The following OXR1 variants were observed in gnomAD, a reference collection of about 807,000 sequenced individuals.
The protein encoded by OXR1 is oxidation resistance protein 1.
Under a neutral mutation model 104.6 loss-of-function variants are expected in OXR1, and 41 were observed. The ratio of observed to expected loss-of-function variants is 0.39; its 90% confidence interval spans 0.31 to 0.51. The LOEUF (loss-of-function observed/expected upper bound fraction) is 0.51, where lower values mean the gene tolerates loss of function less well. Ranked by LOEUF, OXR1 falls within the 20% of genes least tolerant of loss-of-function variation. The pLI, the probability that OXR1 is intolerant of heterozygous loss-of-function variation, is 0.77. For missense variants in OXR1, 955 were observed against 1,031.9 expected, an observed-to-expected ratio of 0.93 and a Z score of 1.02; for synonymous variants, 348 against 348.4, an observed-to-expected ratio of 1.00 and a Z score of 0.01.
intron 2 of OXR1, among the ~76,000 whole-genome samples, chr8:106,374,253 C>T (rs1344909786): frequency 2.6e-5 from 4 of 152,142 alleles, no homozygotes; most frequent in Non-Finnish European, 5.9e-5. Flanking sequence ...GGGAAATACA[C>T]CATAGTGTTA....
chr8:106,612,260 G>T (rs779778973), intron 3 of OXR1, among the ~76,000 whole-genome samples: 4 of 152,030 alleles, frequency 2.6e-5, no homozygotes, highest in Non-Finnish European at 2.9e-5. Flanking sequence ...GGAAACTGGA[G>T]AAGAAAATAA....
At chr8:106,712,412 T>C (rs1301520272) in intron 10 of OXR1, among the ~76,000 whole-genome samples, 1 of 152,042 alleles carries the variant, frequency 6.6e-6, no homozygotes, top group Admixed American at 6.6e-5. Context: ...AAATTCTGAG[T>C]AGGTGAAGAT....
chr8:106,354,543 T>C (rs922686389), intron 1 of OXR1, among the ~76,000 whole-genome samples: 3 of 152,158 alleles, frequency 2.0e-5, no homozygotes, highest in Admixed American at 6.5e-5. Flanking sequence ...CCCTTTGGAA[T>C]TGAAGCCTAA....
chr8:106,692,352 A>G (rs1220985531), intron 6 of OXR1, among the ~76,000 whole-genome samples: 2 of 152,054 alleles, frequency 1.3e-5, no homozygotes, highest in Non-Finnish European at 2.9e-5. Flanking sequence ...TGGTCTTATC[A>G]GAGTCAGTGG....
At chr8:106,354,104 A>ATTT (rs200247407) in intron 1 of OXR1, among the ~76,000 whole-genome samples, 1 of 141,830 alleles carries the variant, frequency 7.1e-6, no homozygotes, top group African/African-American at 2.6e-5. Context: ...CCCTTTGCCC[A>ATTT]TTTTTTTTTT....
rs150548172 is a variant in OXR1, at chr8:106,641,674, G to A, written c.221-37536G>A. 1.5e-4 allele frequency among the ~76,000 whole-genome samples: 23 copies of A among 152,206 alleles called. No individual in the cohort carries two copies. The South Asian group carries it at 1.7e-3, about 11-fold the overall frequency. ...TCTTAATAAGAAAGCAAAATGGGGC[G>A]ATACCAGTGTGATTTGGCAAGCTGT... On this transcript the variant is annotated intron_variant, in intron 3 of 16. Coordinates refer to ENST00000517566, the MANE Select transcript of OXR1 (RefSeq NM_001198533.2).
At chr8:106,744,814 C>T (rs1359479500) in intron 15 of OXR1, among the ~76,000 whole-genome samples, 1 of 152,108 alleles carries the variant, frequency 6.6e-6, no homozygotes, top group African/African-American at 2.4e-5. Flanking sequence ...AAGGAATCAA[C>T]ACCATTGGTT....
chr8:106,270,348 C>T lies in OXR1; in HGVS notation c.-158C>T, dbSNP rs2130451914. 6.6e-6 allele frequency: 1 copy of T among 152,620 alleles called. No individual in the cohort carries two copies. The highest frequency in any genetic ancestry group is 3.4e-3 in the Middle Eastern group (1 of 294). 9.5% of individuals were successfully genotyped at this position (152,620 alleles called of 1,614,324 possible). A position where few individuals can be genotyped will look rare whatever the true frequency, so the allele number is the denominator to read the frequency against. ...GGGGCCCGCCGCCGCTCACCGCAGC[C>T]CCCTCCTGGCGACCCGCAAGTAAGT... is the stretch of plus-strand genomic sequence containing the variant. On this transcript the variant is annotated 5_prime_UTR_variant, in exon 1 of 17. Transcript: ENST00000517566.
intron 3 of OXR1, among the ~76,000 whole-genome samples, chr8:106,600,218 A>G (rs923695654): frequency 6.6e-6 from 1 of 152,232 alleles, no homozygotes; most frequent in Non-Finnish European, 1.5e-5. Flanking sequence ...GGAGTAATGG[A>G]AACCATGGGA....
intron 2 of OXR1, among the ~76,000 whole-genome samples, chr8:106,393,374 G>A (rs1205753183): frequency 3.3e-5 from 5 of 152,048 alleles, no homozygotes; most frequent in East Asian, 1.9e-4. Flanking sequence ...ACACAGTAAC[G>A]AGTCATAATC....
chr8:106,560,767 A>G (rs1281408683), intron 3 of OXR1, among the ~76,000 whole-genome samples: 1 of 151,992 alleles, frequency 6.6e-6, no homozygotes, highest in East Asian at 1.9e-4. Flanking sequence ...CAGCAAGACC[A>G]ATGCAGAAGG....
intron 2 of OXR1, among the ~76,000 whole-genome samples, chr8:106,401,106 A>G (rs905073806): frequency 3.9e-5 from 6 of 152,116 alleles, no homozygotes; most frequent in African/African-American, 1.4e-4. Context: ...CAAATTCTAG[A>G]CCATCCGGCT....
intron 1 of OXR1, among the ~76,000 whole-genome samples, chr8:106,317,125 A>G (rs1813999775): frequency 6.6e-6 from 1 of 152,192 alleles, no homozygotes; most frequent in South Asian, 2.1e-4. Flanking sequence ...CAGTTACAGC[A>G]CAGTTGACAG....
chr8:106,330,824 C>A (rs565848756), intron 1 of OXR1, among the ~76,000 whole-genome samples: 1 of 152,046 alleles, frequency 6.6e-6, no homozygotes, highest in Non-Finnish European at 1.5e-5. Flanking sequence ...GTGATTTGTC[C>A]GCAGTAAAAT....
chr8:106,497,775 A>T (rs1266752814), intron 2 of OXR1, among the ~76,000 whole-genome samples: 2 of 143,496 alleles, frequency 1.4e-5, no homozygotes, highest in Non-Finnish European at 3.0e-5. Flanking sequence ...AGAAAAATTT[A>T]TATGGTCACC....
chr8:106,440,657 G>C (rs907061227), intron 2 of OXR1, among the ~76,000 whole-genome samples: 4 of 151,830 alleles, frequency 2.6e-5, no homozygotes, highest in Middle Eastern at 3.2e-3. Flanking sequence ...TTTCTTTTCA[G>C]GAAGGCATAG....
chr8:106,680,151 G>C (rs1042805085), intron 4 of OXR1, among the ~76,000 whole-genome samples: 2 of 151,860 alleles, frequency 1.3e-5, no homozygotes, highest in South Asian at 4.1e-4. Context: ...ATATATAGCG[G>C]ACAGTGTGAG....
intron 1 of OXR1, among the ~76,000 whole-genome samples, chr8:106,348,892 A>G (rs1192051638): frequency 6.6e-6 from 1 of 152,206 alleles, no homozygotes; most frequent in African/African-American, 2.4e-5. Context: ...CCCAAGCGTA[A>G]TAGTTAGGTT....
At position 106,445,034 on chromosome 8, in the gene OXR1, T is replaced by G. The variant is rs528961320; in HGVS notation, c.24-73909T>G. Among the ~76,000 whole-genome samples, 7 of 152,254 alleles carry G rather than the reference T, an allele frequency of 4.6e-5. 1 individual carries two copies. The highest frequency in any genetic ancestry group is 3.4e-3 in the Middle Eastern group (1 of 294). ...AATTCAAGGAGAGTTCTTCTTCTAG[T>G]GTTTCTAAATCCTTTGTCTAATGAG... On this transcript the variant is annotated intron_variant, in intron 2 of 16. Transcript: ENST00000517566.
Sources: gnomAD v4.1 joint callset for allele counts (sites outside exome capture counted in the v4.1 genomes callset) on GRCh38, gnomAD v4.1.1 for gene constraint, MANE v1.5 for transcripts, NCBI Gene and HGNC (gene_info 2026-07-23, HGNC 2026-07-21) for gene names.